PRSS48: variants seen among roughly 807,000 people sequenced by gnomAD.
PRSS48 encodes the protein epidermis-specific serine protease-like protein.
PRSS48 carries 21 observed loss-of-function variants against 25.6 expected under a neutral mutation model. The observed-to-expected ratio is 0.82, with a 90% CI of 0.58 to 1.18. The LOEUF (loss-of-function observed/expected upper bound fraction) is 1.18, where lower values mean the gene tolerates loss of function less well. Ranked by LOEUF, PRSS48 falls within the 50% of genes most tolerant of loss-of-function variation. The pLI is 0.00. For missense variants in PRSS48, 373 were observed against 399.3 expected, an observed-to-expected ratio of 0.93 and a Z score of 0.56; for synonymous variants, 150 against 149.3, an observed-to-expected ratio of 1.00 and a Z score of -0.04.
intron 4 of PRSS48, 49 bp downstream of exon 4, chr4:151,283,335 T>A (rs1375380314): frequency 1.3e-6 from 2 of 1,562,262 alleles, no homozygotes; most frequent in Admixed American, 3.4e-5. Context: ...GATCTTAATT[T>A]GGATCCAGGT....
intron 2 of PRSS48, among the ~76,000 whole-genome samples, 161 bp downstream of exon 2, chr4:151,280,119 CAT>C (rs145972805): frequency 6.6e-6 from 1 of 152,208 alleles, no homozygotes; most frequent in South Asian, 2.1e-4. Context: ...AGAGACAGGG[CAT>C]AGAAGTAGAA....
chr4:151,287,687 G>T (rs1440758530), intron 4 of PRSS48, among the ~76,000 whole-genome samples: 1 of 152,158 alleles, frequency 6.6e-6, no homozygotes, highest in Non-Finnish European at 1.5e-5. Context: ...TTGAGGTCAG[G>T]AGTTCAAGAC....
chr4:151,291,272 C>T, exon 5 of PRSS48: 1 of 1,613,962 alleles, frequency 6.2e-7, no homozygotes, highest in Non-Finnish European at 8.5e-7. Context: ...ATTTCAAGAG[C>T]CAACAATCTA....
chr4:151,279,296 C>CA (rs1424514067), intron 1 of PRSS48: 5 of 192,072 alleles, frequency 2.6e-5, no homozygotes, highest in African/African-American at 1.2e-4. Flanking sequence ...GCAGTTCTCC[C>CA]ACCTCATCCT....
At chr4:151,282,485 C>T in intron 3 of PRSS48, 72 bp downstream of exon 3, 2 of 1,471,586 alleles carry the variant, frequency 1.4e-6, no homozygotes, top group Non-Finnish European at 1.9e-6. Context: ...ATATTCTAGG[C>T]ATATCCTTAC....
rs1342252332 is a variant in PRSS48 at position 151,282,262 on chromosome 4, T to TA, written c.331dup (p.Thr111AsnfsTer47). On this transcript the variant is annotated frameshift_variant, in exon 3 of 5. Transcript: ENST00000455694. LOFTEE classifies it high-confidence loss of function. ...TCGTCATCCATCCCAAGTACCAAGA[T>TA]ACAACGGCAGACGTCGCCTTGTTGA... The TA allele has an allele frequency of 6.2e-7, 1 of 1,613,936 alleles. No individual in the cohort carries two copies. The highest frequency in any genetic ancestry group is 8.5e-7 in the Non-Finnish European group (1 of 1,179,876).
intron 4 of PRSS48, among the ~76,000 whole-genome samples, chr4:151,289,939 C>T (rs115915962): frequency 0.018 from 2,739 of 152,150 alleles, 41 homozygotes; most frequent in Middle Eastern, 0.037. Flanking sequence ...AAAACCGGTA[C>T]ACAAGTGTTC....
At chr4:151,288,223 G>T (rs1335795983) in intron 4 of PRSS48, among the ~76,000 whole-genome samples, 1 of 152,116 alleles carries the variant, frequency 6.6e-6, no homozygotes, top group Non-Finnish European at 1.5e-5. Flanking sequence ...AAAGAGACAA[G>T]GATGTCTATT....
intron 4 of PRSS48, among the ~76,000 whole-genome samples, chr4:151,287,446 T>C (rs1034412680): frequency 2.0e-5 from 3 of 151,596 alleles, no homozygotes; most frequent in African/African-American, 7.3e-5. Context: ...TATAGACCAG[T>C]ATCTTTTATG....
intron 4 of PRSS48, among the ~76,000 whole-genome samples, chr4:151,288,164 C>T (rs1199240342): frequency 6.6e-6 from 1 of 151,900 alleles, no homozygotes; most frequent in Non-Finnish European, 1.5e-5. Flanking sequence ...AAACCCACAG[C>T]TAAAATACTT....
chr4:151,283,991 T>C (rs1774500160), intron 4 of PRSS48, among the ~76,000 whole-genome samples: 2 of 152,222 alleles, frequency 1.3e-5, no homozygotes, highest in African/African-American at 4.8e-5. Flanking sequence ...CTGGCTGCTT[T>C]CAGTATTTTT....
intron 3 of PRSS48, 26 bp from the exon 4 acceptor site, chr4:151,283,091 T>A (rs1167461729): frequency 6.2e-7 from 1 of 1,610,158 alleles, no homozygotes; most frequent in Non-Finnish European, 8.5e-7. Flanking sequence ...GTTGCTTTAA[T>A]CTTTTGTTCC....
intron 1 of PRSS48, among the ~76,000 whole-genome samples, chr4:151,277,486 T>G (rs544566366): frequency 1.3e-5 from 2 of 152,052 alleles, no homozygotes; most frequent in Non-Finnish European, 2.9e-5. Flanking sequence ...TTATAAGGCT[T>G]GTTAGAAGGT....
At chr4:151,290,918 A>C (rs1021417767) in intron 4 of PRSS48, among the ~76,000 whole-genome samples, 200 bp from the exon 5 acceptor site, 1 of 152,214 alleles carries the variant, frequency 6.6e-6, no homozygotes, top group African/African-American at 2.4e-5. Context: ...ATATTTCACT[A>C]AGGTCTCTGA....
intron 4 of PRSS48, among the ~76,000 whole-genome samples, chr4:151,285,710 T>C (rs1452310259): frequency 6.6e-6 from 1 of 150,840 alleles, no homozygotes; most frequent in Non-Finnish European, 1.5e-5. Flanking sequence ...CTACTAAAAA[T>C]TTAAAAAGTT....
chr4:151,288,542 T>C (rs950266954), intron 4 of PRSS48, among the ~76,000 whole-genome samples: 7 of 151,882 alleles, frequency 4.6e-5, no homozygotes, highest in Non-Finnish European at 1.0e-4. Flanking sequence ...AGTTCAGGAG[T>C]TCGAGACCAG....
At chr4:151,282,126 G>A in intron 2 of PRSS48, 22 bp from the exon 3 acceptor site, 3 of 1,611,440 alleles carry the variant, frequency 1.9e-6, no homozygotes, top group African/African-American at 1.3e-5. Context: ...CCATAAGCAG[G>A]CCTCCTTTCT....
At chr4:151,281,208 AGAG>A (rs747860255) in intron 2 of PRSS48, among the ~76,000 whole-genome samples, 30 of 152,316 alleles carry the variant, frequency 2.0e-4, no homozygotes, top group African/African-American at 3.1e-4. Context: ...GAACAAAATG[AGAG>A]GAGATTTACA....
At chr4:151,282,379 G>C (rs1449890118) in exon 3 of PRSS48, 2 of 1,613,840 alleles carry the variant, frequency 1.2e-6, no homozygotes, top group Non-Finnish European at 1.7e-6. Flanking sequence ...CCTTTTGTTG[G>C]GTGACCGGAT....
Sources: allele counts gnomAD v4.1 joint callset (sites outside exome capture counted in the v4.1 genomes callset), GRCh38; gene constraint gnomAD v4.1.1; transcripts MANE v1.5; gene names NCBI Gene and HGNC (gene_info 2026-07-23, HGNC 2026-07-21).